Variants in TPCN2 observed in about 807,000 individuals in gnomAD.
TPCN2 encodes the protein two pore channel protein 2.
A neutral mutation model predicts 111.4 loss-of-function variants in TPCN2; 92 were observed. The observed-to-expected ratio is 0.83, with a 90% CI of 0.70 to 0.98. TPCN2 has a LOEUF of 0.98. Ranked by LOEUF, TPCN2 falls within the 50% of genes least tolerant of loss-of-function variation. The pLI is 0.00. For missense variants in TPCN2, 995 were observed against 980.1 expected, an observed-to-expected ratio of 1.02 and a Z score of -0.20; for synonymous variants, 405 against 414.5, an observed-to-expected ratio of 0.98 and a Z score of 0.28.
In TPCN2 at chr11:69,057,647, G is replaced by T. The variant is rs766283691; in HGVS notation, c.499G>T (p.Val167Leu). 3.1e-6 allele frequency: 5 copies of T among 1,614,222 alleles called. No individual in the cohort carries two copies. The highest frequency in any genetic ancestry group is 1.6e-4 in the Middle Eastern group (1 of 6,062). The change falls in exon 5 of 25, where the codon GTG becomes TTG. Residue 167 changes from valine (V) to leucine (L), a missense_variant. By Grantham distance (32) the Val-to-Leu change is conservative. Transcript: ENST00000294309. ...WLLGYLVVLV[V>L]SLVDWTVSLS... ...GCTGGGCTACCTCGTGGTGCTGGTG[G>T]TGTCTCTGGTGGACTGGACCGTGTC...
At chr11:69,066,589 G>A (rs766685785) in intron 7 of TPCN2, among the ~76,000 whole-genome samples, 4 of 152,222 alleles carry the variant, frequency 2.6e-5, no homozygotes, top group Non-Finnish European at 4.4e-5. Flanking sequence ...CAGGAAGGGC[G>A]GCCTGTGCGA....
chr11:69,087,242 C>T, intron 24 of TPCN2, 36 bp downstream of exon 24: 1 of 1,596,800 alleles, frequency 6.3e-7, no homozygotes, highest in Non-Finnish European at 8.6e-7. Context: ...GTCTGGCCCC[C>T]TGGGATGGGA....
rs1009360573 is a variant in TPCN2 at position 69,055,284 on chromosome 11, C to T, written c.361C>T (p.Pro121Ser). Residue 121 changes from proline (P) to serine (S), a missense_variant, in exon 4 of 25, where the codon CCC becomes TCC. Pro to Ser is a moderately conservative substitution (Grantham distance 74). Coordinates refer to ENST00000294309, the MANE Select transcript of TPCN2 (RefSeq NM_139075.4). ...CTACCGCGCTGCTCCCTGGGAGCCG[C>T]CCTGCGGCCTGACCGAGAGTGTCGA... Reference protein sequence around the residue: ...VRYRAAPWEPPCGLTESVEVL... With the variant: ...VRYRAAPWEPSCGLTESVEVL... The T allele has an allele frequency of 5.6e-6, 9 of 1,613,892 alleles. No individual in the cohort carries two copies. The Admixed American group carries it at 1.2e-4, about 21-fold the overall frequency.
At position 69,073,036 on chromosome 11, in the gene TPCN2, G is replaced by A; in HGVS notation, c.1230+35G>A. On this transcript the variant is annotated intron_variant, in intron 13 of 24. Coordinates refer to ENST00000294309, the MANE Select transcript of TPCN2 (RefSeq NM_139075.4). ...GCCACAGCCGCCCAGGGTGGATAGT[G>A]GGGGCCTTCCAGTTTCCCCTGCCCT... The A allele has an allele frequency of 2.6e-6, 4 of 1,523,290 alleles. No individual in the cohort carries two copies. The South Asian group carries it at 4.5e-5, about 17-fold the overall frequency. 94.4% of individuals were successfully genotyped at this position (1,523,290 alleles called of 1,614,324 possible).
intron 5 of TPCN2, among the ~76,000 whole-genome samples, chr11:69,059,054 C>T (rs1854904788): frequency 6.6e-6 from 1 of 152,228 alleles, no homozygotes; most frequent in South Asian, 2.1e-4. Flanking sequence ...TCTCTTCTGC[C>T]ACCTGCTCCG....
chr11:69,086,736 G>T, intron 23 of TPCN2, 132 bp downstream of exon 23: 2 of 826,926 alleles, frequency 2.4e-6, no homozygotes, highest in South Asian at 1.5e-5. Context: ...GGCGGGTCCT[G>T]AGTGAGGCTG....
rs1257312489 is a variant in TPCN2, at chr11:69,079,981, C to T, written c.1589+98C>T. 6 of 1,171,864 alleles carry T rather than the reference C, an allele frequency of 5.1e-6. No individual in the cohort carries two copies. The East Asian group carries it at 9.4e-5, about 18-fold the overall frequency. 72.6% of individuals were successfully genotyped at this position (1,171,864 alleles called of 1,614,324 possible). ...AGTGGTGTCCAGGGGGCTGGGTCTG[C>T]TCTGACTCTAGGGCAGACCCCGTGA... On this transcript the variant is annotated intron_variant, in intron 17 of 24. Transcript: ENST00000294309.
rs947513487 is a variant in TPCN2, at chr11:69,083,821, G to A, written c.1690-124G>A. On this transcript the variant is annotated intron_variant, in intron 18 of 24. Coordinates refer to ENST00000294309, the MANE Select transcript of TPCN2 (RefSeq NM_139075.4). ...TGGCTGTGGGTCCAGGTGTGTGTGT[G>A]TGGGTTGGTGGTCATTGGCCTGCCC... is the stretch of plus-strand genomic sequence containing the variant. 3 of 797,980 alleles carry A rather than the reference G, an allele frequency of 3.8e-6. No homozygotes were observed. In the African/African-American group the frequency reaches 5.0e-5, roughly 13 times the overall value. The allele number at this position is 797,980 out of a possible 1,614,324, so 49.4% of individuals were successfully genotyped here.
intron 2 of TPCN2, chr11:69,054,468 T>G: frequency 1.7e-6 from 1 of 571,796 alleles, no homozygotes; most frequent in South Asian, 2.1e-5. Flanking sequence ...TCTCAGCAAG[T>G]GTTCCCTGAG....
At chr11:69,060,463 T>C (rs1380051864) in intron 5 of TPCN2, among the ~76,000 whole-genome samples, 1 of 152,142 alleles carries the variant, frequency 6.6e-6, no homozygotes, top group Non-Finnish European at 1.5e-5. Context: ...TTGGATAATA[T>C]GGAGGCTGCC....
chr11:69,064,834 A>G (rs1419839733), intron 7 of TPCN2, among the ~76,000 whole-genome samples: 4 of 151,828 alleles, frequency 2.6e-5, no homozygotes, highest in Non-Finnish European at 5.9e-5. Flanking sequence ...GTCTGTGTGC[A>G]TGTTTGTTTG....
At chr11:69,055,435 C>T in intron 4 of TPCN2, 83 bp downstream of exon 4, 1 of 1,339,490 alleles carries the variant, frequency 7.5e-7, no homozygotes, top group South Asian at 1.4e-5. Flanking sequence ...TGCTGATTCT[C>T]TGGAGTGAGC....
At chr11:69,063,334 A>T (rs895600432) in intron 6 of TPCN2, among the ~76,000 whole-genome samples, 2 of 151,170 alleles carry the variant, frequency 1.3e-5, no homozygotes, top group Non-Finnish European at 3.0e-5. Flanking sequence ...GTCCCCTCCC[A>T]CTCATGGTGT....
intron 19 of TPCN2, among the ~76,000 whole-genome samples, chr11:69,084,343 A>G (rs1236290243): frequency 1.3e-5 from 2 of 152,210 alleles, no homozygotes; most frequent in African/African-American, 4.8e-5. Flanking sequence ...AATGACAGAA[A>G]TTTAAGAGGC....
intron 5 of TPCN2, among the ~76,000 whole-genome samples, chr11:69,062,017 G>T (rs1187769739): frequency 6.6e-6 from 1 of 152,000 alleles, no homozygotes; most frequent in Non-Finnish European, 1.5e-5. Flanking sequence ...TAGAGAAGGG[G>T]TTTATTTGGC....
chr11:69,062,701 A>C (rs1235745883), intron 5 of TPCN2, among the ~76,000 whole-genome samples, 183 bp from the exon 6 acceptor site: 3 of 151,916 alleles, frequency 2.0e-5, no homozygotes, highest in African/African-American at 7.3e-5. Flanking sequence ...AGGACTGCAG[A>C]GCATGTGGCC....
intron 24 of TPCN2, 26 bp downstream of exon 24, chr11:69,087,232 G>T (rs375230173): frequency 1.9e-6 from 3 of 1,607,264 alleles, no homozygotes; most frequent in South Asian, 2.2e-5. Context: ...AGGCGCTTCT[G>T]TCTGGCCCCC....
rs1205990962 is a variant in TPCN2, at chr11:69,079,846, T to C, written c.1552T>C (p.Ser518Pro). The change falls in exon 17 of 25, where the codon TCA becomes CCA. Residue 518 changes from serine to proline, a missense_variant. Physicochemically the swap from Ser to Pro is moderately conservative, Grantham distance 74. Coordinates refer to ENST00000294309, the MANE Select transcript of TPCN2 (RefSeq NM_139075.4). ...TTTGTAATTAAAGGTTTTGGAGATC[T>C]CAACTCTGGCTGTGTACCGATTGCC... Reference protein sequence around the residue: ...LTVVLLVLEISTLAVYRLPHP... With the variant: ...LTVVLLVLEIPTLAVYRLPHP... 1 of 1,613,778 alleles carries C rather than the reference T, an allele frequency of 6.2e-7. No individual in the cohort carries two copies. Among genetic ancestry groups the C allele is most frequent in the South Asian group, 1.1e-5 (1 of 91,040 alleles).
Position 69,055,325 on chromosome 11 carries a change from G to C in TPCN2, c.402G>C (p.Leu134=). ...LTESVEVLCL[L]VFAADLSVKG... ...AGAGTGTCGAGGTGCTCTGCCTGCT[G>C]GTCTTTGCGGCCGACCTCTCTGTGA... Residue 134 remains leucine, a synonymous_variant, in exon 4 of 25, where the codon CTG becomes CTC. Coordinates refer to ENST00000294309, the MANE Select transcript of TPCN2 (RefSeq NM_139075.4). 6.2e-7 allele frequency: 1 copy of C among 1,612,058 alleles called. No individual in the cohort carries two copies. The highest frequency in any genetic ancestry group is 8.5e-7 in the Non-Finnish European group (1 of 1,179,518).
Sources: allele counts gnomAD v4.1 joint callset (sites outside exome capture counted in the v4.1 genomes callset), GRCh38; gene constraint gnomAD v4.1.1; transcripts MANE v1.5; gene names NCBI Gene and HGNC (gene_info 2026-07-23, HGNC 2026-07-21).